Variants in EXOC4 observed in about 807,000 individuals in gnomAD.
EXOC4 encodes SEC8-like 1.
A neutral mutation model predicts 107.2 loss-of-function variants in EXOC4; 71 were observed. The ratio of observed to expected loss-of-function variants is 0.66; its 90% CI spans 0.55 to 0.81. EXOC4 has a LOEUF of 0.81. Ranked by LOEUF, EXOC4 falls within the 30% of genes least tolerant of loss-of-function variation. The probability of loss-of-function intolerance (pLI) is 0.00; values close to 1 mark genes in which losing one functional copy is unlikely to be tolerated. For missense variants in EXOC4, 1,108 were observed against 1,189.6 expected (o/e 0.93, Z 1.01); for synonymous variants, 456 against 441.2 (o/e 1.03, Z -0.42).
chr7:133,633,492 G>A (rs1158375513), intron 10 of EXOC4, among the ~76,000 whole-genome samples: 1 of 152,160 alleles, frequency 6.6e-6, no homozygotes, highest in Non-Finnish European at 1.5e-5. Context: ...GCCGAGGTGG[G>A]TGGATCACCT....
At chr7:133,358,792 T>C (rs79224734) in intron 6 of EXOC4, among the ~76,000 whole-genome samples, 7 of 136,064 alleles carry the variant, frequency 5.1e-5, no homozygotes, top group African/African-American at 1.1e-4. Flanking sequence ...TTTTTTTTTT[T>C]CCCCTTGCCT....
intron 10 of EXOC4, among the ~76,000 whole-genome samples, chr7:133,742,891 A>G (rs558088049): frequency 1.3e-5 from 2 of 152,296 alleles, no homozygotes; most frequent in South Asian, 2.1e-4. Context: ...CAAAAGAGGA[A>G]CAAAGAAAAA....
chr7:133,588,526 A>G (rs1235856662), intron 9 of EXOC4, among the ~76,000 whole-genome samples: 1 of 152,168 alleles, frequency 6.6e-6, no homozygotes, highest in Non-Finnish European at 1.5e-5. Context: ...ATGTCCAAAT[A>G]AAAGGGAAAT....
At chr7:133,324,306 G>T (rs549138610) in intron 5 of EXOC4, among the ~76,000 whole-genome samples, 1 of 152,160 alleles carries the variant, frequency 6.6e-6, no homozygotes, top group South Asian at 2.1e-4. Context: ...TGTTGTTAGG[G>T]TGTCAATTTT....
the EXOC4 span, among the ~76,000 whole-genome samples, chr7:134,095,514 A>G: frequency 1.3e-5 from 2 of 152,112 alleles, no homozygotes; most frequent in African/African-American, 4.8e-5. Context: ...AGTAGCCAAA[A>G]CAATCCTAAG....
At chr7:133,921,558 T>A (rs535036028) in intron 13 of EXOC4, among the ~76,000 whole-genome samples, 3 of 152,222 alleles carry the variant, frequency 2.0e-5, no homozygotes, top group Non-Finnish European at 2.9e-5. Flanking sequence ...CTGATATAAT[T>A]CTTATCCTTG....
chr7:134,033,245 C>T (rs1265035053), intron 17 of EXOC4, among the ~76,000 whole-genome samples: 1 of 152,088 alleles, frequency 6.6e-6, no homozygotes, highest in Non-Finnish European at 1.5e-5. Context: ...ATTTTCTAGA[C>T]ATAAAAATAT....
At chr7:133,397,458 T>A (rs1280130226) in intron 7 of EXOC4, among the ~76,000 whole-genome samples, 3 of 152,058 alleles carry the variant, frequency 2.0e-5, no homozygotes, top group African/African-American at 7.2e-5. Flanking sequence ...ACCTGTCACC[T>A]AAAGTTGCAG....
chr7:134,026,151 T>G (rs552687322), intron 17 of EXOC4, among the ~76,000 whole-genome samples: 1 of 152,242 alleles, frequency 6.6e-6, no homozygotes, highest in East Asian at 1.9e-4. Flanking sequence ...TTAGGCTTGC[T>G]TTAACCAAGG....
At chr7:133,753,947 T>C (rs1795846275) in intron 10 of EXOC4, among the ~76,000 whole-genome samples, 1 of 152,242 alleles carries the variant, frequency 6.6e-6, no homozygotes, top group South Asian at 2.1e-4. Context: ...ATTCTTCTAA[T>C]GTGCCAAAAA....
At chr7:134,073,062 C>T in the EXOC4 span, among the ~76,000 whole-genome samples, 4 of 151,608 alleles carry the variant, frequency 2.6e-5, no homozygotes, top group Non-Finnish European at 4.4e-5. Context: ...AAAAGTTAGC[C>T]GGGCATAGTG....
At chr7:133,684,113 C>T (rs528481203) in intron 10 of EXOC4, among the ~76,000 whole-genome samples, 125 of 152,224 alleles carry the variant, frequency 8.2e-4, no homozygotes, top group African/African-American at 2.9e-3. Flanking sequence ...TCTACTTTAA[C>T]GAACTATAAC....
At chr7:133,781,672 C>A (rs1351722906) in intron 10 of EXOC4, among the ~76,000 whole-genome samples, 1 of 152,180 alleles carries the variant, frequency 6.6e-6, no homozygotes, top group Non-Finnish European at 1.5e-5. Context: ...ATTGATATGT[C>A]CCCAGAGAGT....
chr7:133,392,142 A>G (rs1796867214), intron 7 of EXOC4, among the ~76,000 whole-genome samples: 1 of 152,206 alleles, frequency 6.6e-6, no homozygotes, highest in Non-Finnish European at 1.5e-5. Context: ...TGGACATTTG[A>G]TCCTGACAGA....
At chr7:133,471,978 A>G (rs912375011) in intron 7 of EXOC4, among the ~76,000 whole-genome samples, 1 of 152,228 alleles carries the variant, frequency 6.6e-6, no homozygotes, top group African/African-American at 2.4e-5. Context: ...AAGAAAAAAC[A>G]CTGGAATTAT....
intron 2 of EXOC4, among the ~76,000 whole-genome samples, chr7:133,275,808 AT>A (rs918464054): frequency 1.3e-5 from 2 of 149,824 alleles, no homozygotes; most frequent in African/African-American, 2.5e-5. Flanking sequence ...TATGAGAACA[AT>A]TTTTTTCTTT....
At chr7:133,806,778 G>A (rs995533528) in intron 10 of EXOC4, among the ~76,000 whole-genome samples, 15 of 152,180 alleles carry the variant, frequency 9.9e-5, no homozygotes, top group Non-Finnish European at 8.8e-5. Context: ...CTAGCTGTAT[G>A]ACCTTGGGAA....
chr7:133,501,275 A>G (rs1162931444), intron 9 of EXOC4, among the ~76,000 whole-genome samples: 1 of 152,182 alleles, frequency 6.6e-6, no homozygotes, highest in Non-Finnish European at 1.5e-5. Flanking sequence ...GATAATTAAG[A>G]CTTTATGTTT....
At chr7:133,947,859 T>C (rs1407645042) in intron 14 of EXOC4, among the ~76,000 whole-genome samples, 1 of 152,178 alleles carries the variant, frequency 6.6e-6, no homozygotes, top group African/African-American at 2.4e-5. Flanking sequence ...GGCTGGAAGC[T>C]GCCAGCTGAA....
Sources: gnomAD v4.1 joint callset for allele counts (sites outside exome capture counted in the v4.1 genomes callset) on GRCh38, gnomAD v4.1.1 for gene constraint, MANE v1.5 for transcripts, NCBI Gene and HGNC (gene_info 2026-07-23, HGNC 2026-07-21) for gene names.